Variants in GRIN2A observed in about 807,000 individuals in gnomAD.
GRIN2A encodes glutamate receptor ionotropic, NMDA 2A.
Under a neutral mutation model 113.4 loss-of-function variants are expected in GRIN2A, and 22 were observed. The ratio of observed to expected loss-of-function variants is 0.19; its 90% CI spans 0.14 to 0.28. The LOEUF (loss-of-function observed/expected upper bound fraction) is 0.28, where lower values mean the gene tolerates loss of function less well. Ranked by LOEUF, GRIN2A falls within the 10% of genes least tolerant of loss-of-function variation. The probability of loss-of-function intolerance (pLI) is 1.00; values close to 1 mark genes in which losing one functional copy is unlikely to be tolerated. For synonymous variants in GRIN2A, 827 were observed against 738.4 expected (o/e 1.12, Z -1.94); for missense variants, 1,502 against 1,887.0 (o/e 0.80, Z 3.78).
At chr16:10,032,693 C>T (rs746458270) in intron 2 of GRIN2A, among the ~76,000 whole-genome samples, 2 of 152,144 alleles carry the variant, frequency 1.3e-5, no homozygotes, top group African/African-American at 2.4e-5. Flanking sequence ...CAGGGTTGAA[C>T]GAACACAGTT....
rs1900652671 is a variant in GRIN2A at position 9,762,959 on chromosome 16, C to G, written c.*190G>C. On this transcript the variant is annotated 3_prime_UTR_variant, in exon 13 of 13. Coordinates refer to ENST00000330684, the MANE Select transcript of GRIN2A (RefSeq NM_001134407.3). ...GGTGTCTGCCATGCTCAGCACACACCTCACAAGATTCCTTGAGTGGAAGAT... is the reference window on the plus strand; with the variant it reads ...GGTGTCTGCCATGCTCAGCACACACGTCACAAGATTCCTTGAGTGGAAGAT... 2 of 642,538 alleles carry G rather than the reference C, an allele frequency of 3.1e-6. No homozygotes were observed. 39.8% of individuals were successfully genotyped at this position (642,538 alleles called of 1,614,324 possible). A position where few individuals can be genotyped will look rare whatever the true frequency, so the allele number is the denominator to read the frequency against.
chr16:10,019,377 A>T (rs837703), intron 2 of GRIN2A, among the ~76,000 whole-genome samples: 1 of 152,150 alleles, frequency 6.6e-6, no homozygotes, highest in Admixed American at 6.5e-5. Context: ...CATCTATCAC[A>T]GTCTGGCATA....
chr16:9,795,267 C>T (rs1448506835), intron 11 of GRIN2A, among the ~76,000 whole-genome samples: 1 of 152,070 alleles, frequency 6.6e-6, no homozygotes, highest in African/African-American at 2.4e-5. Flanking sequence ...GGCCAAAACC[C>T]AACAAAACCA....
At chr16:10,128,504 C>G (rs2048992782) in intron 2 of GRIN2A, among the ~76,000 whole-genome samples, 1 of 152,124 alleles carries the variant, frequency 6.6e-6, no homozygotes, top group African/African-American at 2.4e-5. Flanking sequence ...GCCAAACCAC[C>G]ACTGTAGATG....
intron 4 of GRIN2A, among the ~76,000 whole-genome samples, chr16:9,869,522 T>C (rs2043219565): frequency 6.6e-6 from 1 of 152,136 alleles, no homozygotes; most frequent in South Asian, 2.1e-4. Context: ...TCAACTATAA[T>C]TATCTCTTCT....
rs533111637 is a variant in GRIN2A, at chr16:10,128,280, G to A, written c.414+51718C>T. Among the ~76,000 whole-genome samples, 7 of 152,290 alleles carry A rather than the reference G, an allele frequency of 4.6e-5. No individual in the cohort carries two copies. The South Asian group carries it at 8.3e-4, about 18-fold the overall frequency. ...AGCCGTGGGTGCAACAGCTTGCAGC[G>A]AGTTTTGTGAGTTTCCAGTGAATTA... is the stretch of plus-strand genomic sequence containing the variant. On this transcript the variant is annotated intron_variant, in intron 2 of 12. Coordinates refer to ENST00000330684, the MANE Select transcript of GRIN2A (RefSeq NM_001134407.3).
rs773135168 is a variant in GRIN2A at position 10,180,389 on chromosome 16, G to T, written c.23C>A (p.Thr8Asn). MGRVGYW[T>N]LLVLPALLVW... The stretch of plus-strand genomic sequence containing the variant: ...CAGAAGGGCCGGCAGCACCAGCAGG[G>T]TCCAATAGCCCACTCTGCCCATAGT... Residue 8 changes from threonine (T) to asparagine (N), a missense_variant, in exon 2 of 13, where the codon ACC becomes AAC. Physicochemically the swap from Thr to Asn is moderately conservative, Grantham distance 65. Transcript: ENST00000330684. The surrounding 1 kb of genome is among the most constrained non-coding windows in gnomAD (Gnocchi z 7.0). The T allele has an allele frequency of 3.7e-6, 6 of 1,607,210 alleles. No individual in the cohort carries two copies. The highest frequency in any genetic ancestry group is 5.1e-6 in the Non-Finnish European group (6 of 1,179,848).
chr16:9,886,251 A>G (rs1482795957), intron 4 of GRIN2A, among the ~76,000 whole-genome samples: 1 of 152,226 alleles, frequency 6.6e-6, no homozygotes, highest in Admixed American at 6.5e-5. Context: ...TCTACCTCCT[A>G]TGGATGATTA....
chr16:9,995,720 A>G (rs1457534009), intron 2 of GRIN2A, among the ~76,000 whole-genome samples: 1 of 152,124 alleles, frequency 6.6e-6, no homozygotes, highest in Non-Finnish European at 1.5e-5. Flanking sequence ...ACATTTTCCA[A>G]AGCCCTCATC....
chr16:10,083,651 G>C (rs7199095), intron 2 of GRIN2A, among the ~76,000 whole-genome samples: 128,912 of 151,670 alleles, frequency 0.85, 55,311 homozygotes, highest in East Asian at 1. Flanking sequence ...CCTCACCCCC[G>C]ATCCCTACTC....
intron 3 of GRIN2A, among the ~76,000 whole-genome samples, chr16:9,907,931 C>T (rs764866056): frequency 6.6e-6 from 1 of 152,202 alleles, no homozygotes; most frequent in Non-Finnish European, 1.5e-5. Context: ...CGTGCCCTCA[C>T]CCCTGCACAG....
chr16:9,825,919 C>T (rs1027910360), intron 9 of GRIN2A, among the ~76,000 whole-genome samples: 1 of 150,350 alleles, frequency 6.7e-6, no homozygotes, highest in Non-Finnish European at 1.5e-5. Context: ...ATTTCAGGCC[C>T]CAGAAGCCAA....
chr16:10,168,123 T>C (rs984043647), intron 2 of GRIN2A, among the ~76,000 whole-genome samples: 3 of 152,206 alleles, frequency 2.0e-5, no homozygotes. Context: ...TTCTAAACAT[T>C]GTCTTCTGTA....
At chr16:9,990,667 AT>A (rs148669337) in intron 2 of GRIN2A, among the ~76,000 whole-genome samples, 39,178 of 146,874 alleles carry the variant, frequency 0.27, 5,235 homozygotes, top group Admixed American at 0.34. Context: ...TTACATTGGC[AT>A]TTTTTTTTTT....
chr16:10,131,117 G>A (rs959058665), intron 2 of GRIN2A, among the ~76,000 whole-genome samples: 4 of 152,178 alleles, frequency 2.6e-5, no homozygotes, highest in Non-Finnish European at 5.9e-5. Context: ...GGAAAATAGC[G>A]GCAGGGGCTG....
intron 4 of GRIN2A, among the ~76,000 whole-genome samples, chr16:9,889,364 T>G (rs1289636170): frequency 6.6e-6 from 1 of 152,204 alleles, no homozygotes; most frequent in Admixed American, 6.5e-5. Flanking sequence ...TTCTTTTGTG[T>G]GATCATTATT....
intron 2 of GRIN2A, among the ~76,000 whole-genome samples, chr16:10,055,047 CAAAAAA>C (rs71133304): frequency 9.6e-5 from 1 of 10,396 alleles, no homozygotes; most frequent in African/African-American, 4.5e-4. Context: ...GACTCTATCT[CAAAAAA>C]AAAAAAAAAA....
At chr16:10,076,100 G>C (rs560661575) in intron 2 of GRIN2A, among the ~76,000 whole-genome samples, 2 of 152,232 alleles carry the variant, frequency 1.3e-5, no homozygotes, top group South Asian at 4.1e-4. Context: ...CCTTAGGATC[G>C]GACATAGGGC....
intron 2 of GRIN2A, among the ~76,000 whole-genome samples, chr16:10,024,259 T>C (rs1245455627): frequency 6.6e-6 from 1 of 152,232 alleles, no homozygotes; most frequent in Non-Finnish European, 1.5e-5. Flanking sequence ...AGCCTCGCTC[T>C]GTCACCCAGG....
Sources: gnomAD v4.1 joint callset for allele counts (sites outside exome capture counted in the v4.1 genomes callset) on GRCh38, gnomAD v4.1.1 for gene constraint, Gnocchi (gnomAD v3.1) non-coding constraint, MANE v1.5 for transcripts, NCBI Gene and HGNC (gene_info 2026-07-23, HGNC 2026-07-21) for gene names.